The following ZFAND3 variants were observed in gnomAD, a reference collection of about 807,000 sequenced individuals.
ZFAND3 encodes the protein AN1-type zinc finger protein 3.
Under a neutral mutation model 29.6 loss-of-function variants are expected in ZFAND3, and 10 were observed. The observed-to-expected ratio is 0.34, with a 90% CI of 0.21 to 0.57. The LOEUF is 0.57. ZFAND3 is among the 20% of genes least tolerant of loss of function. ZFAND3 has a pLI of 0.86. For synonymous variants in ZFAND3, 128 were observed against 112.6 expected (o/e 1.14, Z -0.87); for missense variants, 230 against 304.5 (o/e 0.76, Z 1.82).
At chr6:37,855,279 G>C (rs1052982213) in intron 1 of ZFAND3, among the ~76,000 whole-genome samples, 2 of 151,354 alleles carry the variant, frequency 1.3e-5, no homozygotes, top group African/African-American at 2.4e-5. Flanking sequence ...CGAGTAGCTG[G>C]GATGACAAGA....
At chr6:38,019,677 T>C (rs571597534) in intron 2 of ZFAND3, among the ~76,000 whole-genome samples, 1 of 152,368 alleles carries the variant, frequency 6.6e-6, no homozygotes, top group South Asian at 2.1e-4. Context: ...ACTAGGCTTA[T>C]GTTTTTGATG....
intron 1 of ZFAND3, among the ~76,000 whole-genome samples, chr6:37,820,369 T>G (rs1313895789): frequency 1.3e-5 from 2 of 152,180 alleles, no homozygotes; most frequent in Non-Finnish European, 2.9e-5. Flanking sequence ...TCCGTGGGCA[T>G]GTGGAAGCCA....
chr6:37,973,092 TTTTCTTAG>T (rs1157546522), intron 2 of ZFAND3, among the ~76,000 whole-genome samples: 9 of 152,172 alleles, frequency 5.9e-5, no homozygotes, highest in African/African-American at 1.9e-4. Context: ...TTTCACTGCT[TTTTCTTAG>T]TTTCTGAGTT....
chr6:38,045,491 A>G (rs182692158), intron 2 of ZFAND3, among the ~76,000 whole-genome samples: 38 of 152,326 alleles, frequency 2.5e-4, no homozygotes, highest in Admixed American at 8.5e-4. Flanking sequence ...AGTTCCTTAT[A>G]TAGGAATTCT....
rs777817530 is a variant in ZFAND3 at position 38,061,705 on chromosome 6, G to T, written c.225G>T (p.Thr75=). The T allele has an allele frequency of 6.2e-7, 1 of 1,614,086 alleles. No homozygotes were observed. Among genetic ancestry groups the T allele is most frequent in the Non-Finnish European group, 8.5e-7 (1 of 1,180,020 alleles). ...ACAACAACAATACCTCGATAACCAC[G>T]CCAACTCTTAGTCCCAGCCAGCAGC... ...TSDNNNTSIT[T]PTLSPSQQPL... is the part of the protein sequence containing the mutation. Residue 75 remains threonine, a synonymous_variant, in exon 3 of 6, where the codon ACG becomes ACT. Coordinates refer to ENST00000287218, the MANE Select transcript of ZFAND3 (RefSeq NM_021943.3).
At chr6:38,128,003 T>C (rs891866758) in intron 5 of ZFAND3, among the ~76,000 whole-genome samples, 2 of 152,214 alleles carry the variant, frequency 1.3e-5, no homozygotes, top group Non-Finnish European at 2.9e-5. Context: ...CACCAGACTC[T>C]CTTAACTTCT....
At chr6:38,084,879 C>CAGCT (rs1764728464) in intron 4 of ZFAND3, among the ~76,000 whole-genome samples, 2 of 152,208 alleles carry the variant, frequency 1.3e-5, no homozygotes, top group South Asian at 4.1e-4. Flanking sequence ...CAAGTTAAGC[C>CAGCT]AGCTGTACTT....
intron 5 of ZFAND3, among the ~76,000 whole-genome samples, chr6:38,121,812 C>T (rs1381422437): frequency 6.6e-6 from 1 of 152,168 alleles, no homozygotes; most frequent in Admixed American, 6.5e-5. Context: ...TCCCTGGTTT[C>T]TCCACTATGT....
intron 1 of ZFAND3, among the ~76,000 whole-genome samples, chr6:37,852,034 G>C (rs753388567): frequency 3.3e-5 from 5 of 152,184 alleles, no homozygotes; most frequent in Non-Finnish European, 7.4e-5. Context: ...TAATTATAAT[G>C]TAGGAATATC....
intron 2 of ZFAND3, among the ~76,000 whole-genome samples, chr6:37,953,128 G>A (rs899938814): frequency 2.6e-5 from 4 of 151,782 alleles, no homozygotes; most frequent in African/African-American, 4.8e-5. Context: ...TTTAAATGTG[G>A]TTATTGGTAT....
intron 2 of ZFAND3, among the ~76,000 whole-genome samples, chr6:38,001,833 C>G (rs1294110163): frequency 6.6e-6 from 1 of 152,146 alleles, no homozygotes; most frequent in Non-Finnish European, 1.5e-5. Context: ...TCCTTTGTCC[C>G]TAGGAGTAAA....
chr6:38,071,867 A>G (rs1764460578), intron 3 of ZFAND3, among the ~76,000 whole-genome samples: 1 of 152,204 alleles, frequency 6.6e-6, no homozygotes, highest in African/African-American at 2.4e-5. Flanking sequence ...TGATTTAAAT[A>G]TTTAGGAAAA....
At chr6:37,886,237 C>CAAAAAAAA (rs55661554) in intron 1 of ZFAND3, among the ~76,000 whole-genome samples, 3 of 95,306 alleles carry the variant, frequency 3.1e-5, no homozygotes, top group Non-Finnish European at 6.4e-5. Flanking sequence ...GACTCTGTCT[C>CAAAAAAAA]AAAAAAAAAA....
chr6:38,075,062 A>T (rs1764526496), intron 3 of ZFAND3, among the ~76,000 whole-genome samples: 1 of 152,212 alleles, frequency 6.6e-6, no homozygotes, highest in African/African-American at 2.4e-5. Context: ...AAGAGCTCTG[A>T]TGGAGAGGTA....
intron 1 of ZFAND3, among the ~76,000 whole-genome samples, chr6:37,822,735 T>C (rs565630664): frequency 6.6e-6 from 1 of 151,930 alleles, no homozygotes; most frequent in South Asian, 2.1e-4. Flanking sequence ...ACAGGAAGGG[T>C]AGAAGTAGAG....
chr6:38,073,057 T>C (rs575905138), intron 3 of ZFAND3, among the ~76,000 whole-genome samples: 3 of 152,308 alleles, frequency 2.0e-5, no homozygotes, highest in South Asian at 4.1e-4. Flanking sequence ...AATTTCTGTT[T>C]AGTGTCACTC....
Position 37,953,292 on chromosome 6 carries a change from G to T in ZFAND3, c.112+23293G>T, listed in dbSNP as rs1208834029. Among the ~76,000 whole-genome samples the T allele has an allele frequency of 2.6e-5, 4 of 151,004 alleles. No individual in the cohort carries two copies. The South Asian group carries it at 6.3e-4, about 24-fold the overall frequency. ...GACTTATATTAATGATTAGGCTAGGGTGTATCATATATATTTAACTTCTCA... is the reference window on the plus strand; with the variant it reads ...GACTTATATTAATGATTAGGCTAGGTTGTATCATATATATTTAACTTCTCA... On this transcript the variant is annotated intron_variant, in intron 2 of 5. Transcript: ENST00000287218.
chr6:38,081,654 A>G (rs1038773895), intron 3 of ZFAND3, among the ~76,000 whole-genome samples: 2 of 152,018 alleles, frequency 1.3e-5, no homozygotes, highest in African/African-American at 2.4e-5. Context: ...GTGTTGGGGT[A>G]TGTATCAATA....
chr6:37,945,342 C>A (rs1163316537), intron 2 of ZFAND3, among the ~76,000 whole-genome samples: 4 of 152,146 alleles, frequency 2.6e-5, no homozygotes, highest in South Asian at 2.1e-4. Context: ...TGGAAAAATA[C>A]CACGTGGAGG....
Sources: allele counts gnomAD v4.1 joint callset (sites outside exome capture counted in the v4.1 genomes callset), GRCh38; gene constraint gnomAD v4.1.1; transcripts MANE v1.5; gene names NCBI Gene and HGNC (gene_info 2026-07-23, HGNC 2026-07-21).